WDFY4: variants seen among roughly 807,000 people sequenced by gnomAD.
WDFY4 encodes the protein WD repeat- and FYVE domain-containing protein 4.
A neutral mutation model predicts 351.9 loss-of-function variants in WDFY4; 169 were observed. The ratio of observed to expected loss-of-function variants is 0.48; its 90% confidence interval spans 0.42 to 0.55. WDFY4 has a LOEUF of 0.55. Among genes scored for constraint, WDFY4 ranks in the 20% least tolerant of loss-of-function variants. The pLI, the probability that WDFY4 is intolerant of heterozygous loss-of-function variation, is 0.00. For missense variants in WDFY4, 3,803 were observed against 3,935.6 expected (o/e 0.97, Z 0.90); for synonymous variants, 1,622 against 1,574.6 (o/e 1.03, Z -0.71).
intron 12 of WDFY4, 100 bp from the exon 13 acceptor site, chr10:48,760,247 A>G: frequency 9.5e-7 from 1 of 1,056,076 alleles, no homozygotes; most frequent in East Asian, 2.6e-5. Flanking sequence ...CAGGATGTGT[A>G]CCATGATCTG....
At chr10:48,885,713 G>A (rs184059767) in intron 43 of WDFY4, among the ~76,000 whole-genome samples, 4 of 151,074 alleles carry the variant, frequency 2.6e-5, no homozygotes, top group Admixed American at 2.6e-4. Context: ...ATAAGGAGAT[G>A]TTCTCTCTCT....
chr10:48,891,600 C>T (rs1023414324), intron 44 of WDFY4, among the ~76,000 whole-genome samples: 24 of 152,218 alleles, frequency 1.6e-4, no homozygotes, highest in African/African-American at 5.1e-4. Context: ...TTAGCCCAGT[C>T]GCTCTCAAAC....
At chr10:48,934,004 G>T (rs1236874879) in intron 47 of WDFY4, among the ~76,000 whole-genome samples, 1 of 152,050 alleles carries the variant, frequency 6.6e-6, no homozygotes, top group African/African-American at 2.4e-5. Context: ...GGCCCTGCAG[G>T]GTGGACAGCA....
chr10:48,820,368 C>G lies in WDFY4; in HGVS notation c.5640C>G (p.Leu1880=). 2 of 1,551,644 alleles carry G rather than the reference C, an allele frequency of 1.3e-6. No homozygotes were observed. The highest frequency in any genetic ancestry group is 8.7e-7 in the Non-Finnish European group (1 of 1,147,008). ...GGAAGCTGAGGGAGTTCACGCAGCT[C>G]CTCTTGAGGGAGCTCCTGCTTGGAG... The part of the protein sequence containing the change: ...ARRKLREFTQ[L]LLRELLLGAS... Residue 1880 remains leucine (L), a synonymous_variant, in exon 33 of 62, where the codon CTC becomes CTG. Transcript: ENST00000325239.
At chr10:48,880,039 G>A (rs1303170288) in intron 43 of WDFY4, among the ~76,000 whole-genome samples, 1 of 152,188 alleles carries the variant, frequency 6.6e-6, no homozygotes, top group Non-Finnish European at 1.5e-5. Context: ...AGCAGTGTGG[G>A]TGTTGGATGG....
intron 48 of WDFY4, 149 bp from the exon 49 acceptor site, chr10:48,943,181 C>T (rs1447547675): frequency 3.8e-6 from 3 of 799,878 alleles, no homozygotes; most frequent in Non-Finnish European, 5.7e-6. Context: ...GTGGGTCATG[C>T]ATGAGATGTG....
intron 47 of WDFY4, chr10:48,914,022 C>T (rs1356526913): frequency 9.9e-6 from 16 of 1,614,066 alleles, no homozygotes; most frequent in African/African-American, 4.0e-5. Context: ...GCGCAGAATA[C>T]ACTTGGGGAA....
chr10:48,790,417 A>C (rs1303803352), intron 22 of WDFY4, among the ~76,000 whole-genome samples: 1 of 152,238 alleles, frequency 6.6e-6, no homozygotes, highest in Non-Finnish European at 1.5e-5. Flanking sequence ...TTAGAGCAAT[A>C]GGGATACTGA....
intron 41 of WDFY4, among the ~76,000 whole-genome samples, chr10:48,874,403 G>A (rs2069911785): frequency 6.6e-6 from 1 of 152,140 alleles, no homozygotes; most frequent in South Asian, 2.1e-4. Flanking sequence ...TATCCTCAAA[G>A]GCGGCCTTCC....
At chr10:48,690,836 A>G (rs748028403) in intron 1 of WDFY4, among the ~76,000 whole-genome samples, 10 of 152,298 alleles carry the variant, frequency 6.6e-5, no homozygotes, top group Non-Finnish European at 1.3e-4. Flanking sequence ...ATGAGAGCCA[A>G]CTGGGCCATA....
At chr10:48,882,758 C>T (rs1285384520) in intron 43 of WDFY4, among the ~76,000 whole-genome samples, 2 of 152,198 alleles carry the variant, frequency 1.3e-5, no homozygotes, top group Admixed American at 1.3e-4. Context: ...TCATTCATTA[C>T]AGCAAGGACA....
intron 6 of WDFY4, among the ~76,000 whole-genome samples, 190 bp from the exon 7 acceptor site, chr10:48,727,280 A>G (rs1319375850): frequency 1.3e-5 from 2 of 152,200 alleles, no homozygotes; most frequent in South Asian, 2.1e-4. Context: ...CTGGGCTTGC[A>G]GAGTGCAGCT....
At chr10:48,851,501 C>T (rs1045109308) in intron 39 of WDFY4, among the ~76,000 whole-genome samples, 1 of 152,222 alleles carries the variant, frequency 6.6e-6, no homozygotes, top group Non-Finnish European at 1.5e-5. Context: ...CGTCCCTCCC[C>T]TCTGAGTTTA....
chr10:48,899,601 C>A (rs1837255261), intron 45 of WDFY4, among the ~76,000 whole-genome samples: 2 of 151,994 alleles, frequency 1.3e-5, no homozygotes, highest in African/African-American at 4.8e-5. Context: ...GTAACTCACT[C>A]TATCTCTTAT....
In WDFY4 at chr10:48,742,823, A is replaced by G. The variant is rs143167441; in HGVS notation, c.1879-145A>G. 7.1e-5 allele frequency: 52 copies of G among 732,076 alleles called. No homozygotes were observed. In the Middle Eastern group the frequency reaches 1.2e-3, roughly 17 times the overall value. 45.3% of individuals were successfully genotyped at this position (732,076 alleles called of 1,614,324 possible). A position where few individuals can be genotyped will look rare whatever the true frequency, so the allele number is the denominator to read the frequency against. ...TAAGAGGAACAATATGGAGATCCCA[A>G]TGTTTCAGAGTGATCCTTCCTGTAA... On this transcript the variant is annotated intron_variant, in intron 11 of 61. Transcript: ENST00000325239.
intron 35 of WDFY4, chr10:48,823,202 TAG>T (rs1283130454): frequency 7.7e-7 from 1 of 1,303,422 alleles, no homozygotes; most frequent in South Asian, 1.2e-5. Context: ...CATTACAAGC[TAG>T]AGACTTTTCC....
intron 8 of WDFY4, among the ~76,000 whole-genome samples, chr10:48,730,792 T>G (rs191581720): frequency 3.5e-4 from 54 of 152,378 alleles, no homozygotes; most frequent in African/African-American, 1.2e-3. Flanking sequence ...TCTCAATGTA[T>G]GGCCAATACA....
intron 53 of WDFY4, among the ~76,000 whole-genome samples, chr10:48,960,186 A>G (rs543932496): frequency 2.0e-5 from 3 of 152,250 alleles, no homozygotes; most frequent in Non-Finnish European, 4.4e-5. Flanking sequence ...CCCACTGGCC[A>G]AAAATTTTCC....
At position 48,776,904 on chromosome 10, in the gene WDFY4, C is replaced by T; in HGVS notation, c.3018C>T (p.Thr1006=). The change falls in exon 16 of 62, where the codon ACC becomes ACT. Residue 1006 remains threonine, a synonymous_variant. Transcript: ENST00000325239. ...LQTALSLISM[T]SPRNLQPQRA... is the part of the protein sequence containing the mutation. ...CGGCGCTGAGCCTCATCTCCATGAC[C>T]TCCCCACGCAACCTGCAGCCTCAGA... The T allele has an allele frequency of 6.4e-7, 1 of 1,552,176 alleles. No individual in the cohort carries two copies. The highest frequency in any genetic ancestry group is 8.7e-7 in the Non-Finnish European group (1 of 1,147,084).
Sources: gnomAD v4.1 joint callset for allele counts (sites outside exome capture counted in the v4.1 genomes callset) on GRCh38, gnomAD v4.1.1 for gene constraint, MANE v1.5 for transcripts, NCBI Gene and HGNC (gene_info 2026-07-23, HGNC 2026-07-21) for gene names.